GTF2H4: variants seen among roughly 807,000 people sequenced by gnomAD.
GTF2H4 encodes BTF2 p52.
GTF2H4 carries 49 observed loss-of-function variants against 62.2 expected under a neutral mutation model. That is an observed-to-expected ratio of 0.79 (90% CI 0.63 to 1.00). The LOEUF is 1.00. Among genes scored for constraint, GTF2H4 ranks in the 50% least tolerant of loss-of-function variants. The probability of loss-of-function intolerance (pLI) is 0.00; values close to 1 mark genes in which losing one functional copy is unlikely to be tolerated. For missense variants in GTF2H4, 479 were observed against 587.8 expected (o/e 0.81, Z 1.91); for synonymous variants, 189 against 233.8 (o/e 0.81, Z 1.75).
In GTF2H4 at chr6:30,913,945, G is replaced by C; in HGVS notation, c.1351G>C (p.Val451Leu). Residue 451 changes from valine (V) to leucine (L), a missense_variant, in exon 14 of 14, where the codon GTC becomes CTC. By Grantham distance (32) the Val-to-Leu change is conservative. Coordinates refer to ENST00000259895, the MANE Select transcript of GTF2H4 (RefSeq NM_001517.5). The surrounding 1 kb of genome is among the most constrained non-coding windows in gnomAD (Gnocchi z 4.2). ...GGTGACCCCGGCCGGGCACAGCGAC[G>C]TCAAGCGCTTTTGGAAGCGGCAGAA... is the stretch of plus-strand genomic sequence containing the variant. ...MVVTPAGHSD[V>L]KRFWKRQKHS... 6.2e-7 allele frequency: 1 copy of C among 1,605,266 alleles called. No homozygotes were observed. Among genetic ancestry groups the C allele is most frequent in the Non-Finnish European group, 8.5e-7 (1 of 1,176,176 alleles).
In GTF2H4 at chr6:30,913,288, G is replaced by A. The variant is rs775827654; in HGVS notation, c.1138-21G>A. 55 of 1,613,740 alleles carry A rather than the reference G, an allele frequency of 3.4e-5. No individual in the cohort carries two copies. Among genetic ancestry groups the A allele is most frequent in the East Asian group, 4.5e-5 (2 of 44,896 alleles). On this transcript the variant is annotated intron_variant, in intron 12 of 13. Coordinates refer to ENST00000259895, the MANE Select transcript of GTF2H4 (RefSeq NM_001517.5). The surrounding 1 kb of genome is among the most constrained non-coding windows in gnomAD (Gnocchi z 4.2). ...TGGGGCAGTATTCTGAGTCCCTACA[G>A]TCAACCCTTGCTCCTTGCAGACACC...
rs1793754325 is a variant in GTF2H4 at position 30,911,349 on chromosome 6, C to T, written c.672+80C>T. On this transcript the variant is annotated intron_variant, in intron 7 of 13. Coordinates refer to ENST00000259895, the MANE Select transcript of GTF2H4 (RefSeq NM_001517.5). This position sits in a 1 kb window ranked among gnomAD's most constrained non-coding sequence, Gnocchi z 4.3. ...AGAGACTCCTGCCTACAGACTGTTC[C>T]CTGATTTTCTCTTCTCTGTCCCTTT... 1.3e-6 allele frequency: 2 copies of T among 1,527,852 alleles called. No individual in the cohort carries two copies. Among genetic ancestry groups the T allele is most frequent in the Non-Finnish European group, 1.8e-6 (2 of 1,103,456 alleles). The allele number at this position is 1,527,852 out of a possible 1,614,324, so 94.6% of individuals were successfully genotyped here.
At position 30,912,492 on chromosome 6, in the gene GTF2H4, C is replaced by T; in HGVS notation, c.1089+34C>T. ...ACTTGGGAGAGGTGGAGCAGGAAGA[C>T]AGGCTGCACTTGGGCTGCGGGGGAC... On this transcript the variant is annotated intron_variant, in intron 11 of 13. Coordinates refer to ENST00000259895, the MANE Select transcript of GTF2H4 (RefSeq NM_001517.5). The surrounding 1 kb of genome is among the most constrained non-coding windows in gnomAD (Gnocchi z 4.8). 6.2e-7 allele frequency: 1 copy of T among 1,610,164 alleles called. No homozygotes were observed. The highest frequency in any genetic ancestry group is 8.5e-7 in the Non-Finnish European group (1 of 1,179,528).
At position 30,911,717 on chromosome 6, in the gene GTF2H4, T is replaced by C. The variant is rs763949954; in HGVS notation, c.775T>C (p.Leu259=). The C allele has an allele frequency of 3.1e-6, 5 of 1,613,020 alleles. No homozygotes were observed. Among genetic ancestry groups the C allele is most frequent in the South Asian group, 1.1e-5 (1 of 91,086 alleles). ...TGTGGAAGGTATGAGTGATTCTCTG[T>C]TGAACTTCCTGCAACATCTGCGTGA... The part of the protein sequence containing the change: ...YSVEGMSDSL[L]NFLQHLREFG... The change falls in exon 9 of 14, where the codon TTG becomes CTG. Residue 259 remains leucine, a synonymous_variant. Transcript: ENST00000259895. This position sits in a 1 kb window ranked among gnomAD's most constrained non-coding sequence, Gnocchi z 4.3.
chr6:30,908,259 C>G lies in GTF2H4; in HGVS notation c.-148C>G, dbSNP rs1488380965. ...TGAATTCTCCATTCTGGGCTCTTGCCTGTGAAATCTTTCTTTGCTTTCCCC... is the reference window on the plus strand; with the variant it reads ...TGAATTCTCCATTCTGGGCTCTTGCGTGTGAAATCTTTCTTTGCTTTCCCC... On this transcript the variant is annotated 5_prime_UTR_variant, in exon 1 of 14. Transcript: ENST00000259895. 1.3e-5 allele frequency: 2 copies of G among 153,558 alleles called. No individual in the cohort carries two copies. The highest frequency in any genetic ancestry group is 2.9e-5 in the Non-Finnish European group (2 of 68,962). The allele number at this position is 153,558 out of a possible 1,614,324, so 9.5% of individuals were successfully genotyped here.
rs377221955 is a variant in GTF2H4 at position 30,910,808 on chromosome 6, C to T, written c.472-45C>T. ...TGTCTCTGCTTGTGCTTCTACTTCC[C>T]ATGGCCCTTGGGGCATGGTCTCCCT... is the stretch of plus-strand genomic sequence containing the variant. On this transcript the variant is annotated intron_variant, in intron 5 of 13. Coordinates refer to ENST00000259895, the MANE Select transcript of GTF2H4 (RefSeq NM_001517.5). This position sits in a 1 kb window ranked among gnomAD's most constrained non-coding sequence, Gnocchi z 4.7. 384 of 1,603,354 alleles carry T rather than the reference C, an allele frequency of 2.4e-4. No individual in the cohort carries two copies. Among genetic ancestry groups the T allele is most frequent in the Non-Finnish European group, 3.2e-4 (376 of 1,171,902 alleles).
In GTF2H4 at chr6:30,912,372, C is replaced by G. The variant is rs1374894547; in HGVS notation, c.1003C>G (p.Leu335Val). 6.2e-7 allele frequency: 1 copy of G among 1,612,986 alleles called. No homozygotes were observed. The highest frequency in any genetic ancestry group is 1.3e-5 in the African/African-American group (1 of 75,032). ...CCTCATTGCCCTCTTCTCTGAGATG[C>G]TCTATCGGTTCCCCAACATGGTGGT... ...IALIALFSEM[L>V]YRFPNMVVAQ... The change falls in exon 11 of 14, where the codon CTC becomes GTC. Residue 335 changes from leucine (L) to valine (V), a missense_variant. Coordinates refer to ENST00000259895, the MANE Select transcript of GTF2H4 (RefSeq NM_001517.5). The surrounding 1 kb of genome is among the most constrained non-coding windows in gnomAD (Gnocchi z 4.8).
Position 30,914,062 on chromosome 6 carries a change from A to C in GTF2H4, c.*79A>C. 7.6e-7 allele frequency: 1 copy of C among 1,314,386 alleles called. No individual in the cohort carries two copies. Among genetic ancestry groups the C allele is most frequent in the Non-Finnish European group, 1.0e-6 (1 of 971,380 alleles). The allele number at this position is 1,314,386 out of a possible 1,614,324, so 81.4% of individuals were successfully genotyped here. A position where few individuals can be genotyped will look rare whatever the true frequency, so the allele number is the denominator to read the frequency against. Reference sequence around the variant, plus strand: ...ATCAGAACTCAGGTGTTTTTTATTTACGCGTCAGGGCTTTTCTTGTTTAAT... The same window carrying C: ...ATCAGAACTCAGGTGTTTTTTATTTCCGCGTCAGGGCTTTTCTTGTTTAAT... On this transcript the variant is annotated 3_prime_UTR_variant, in exon 14 of 14. Transcript: ENST00000259895.
At position 30,911,247 on chromosome 6, in the gene GTF2H4, T is replaced by C. The variant is rs371348606; in HGVS notation, c.650T>C (p.Leu217Ser). ...CCGGCTCAGCTCTGGTACTTTATGT[T>C]GCAGTATTTGCAGACAGCCCAGGTG... ...DTPAQLWYFMLQYLQTAQSRG... is the reference protein window; with the variant it reads ...DTPAQLWYFMSQYLQTAQSRG... The change falls in exon 7 of 14, where the codon TTG becomes TCG. Residue 217 changes from leucine to serine, a missense_variant. Transcript: ENST00000259895. This position sits in a 1 kb window ranked among gnomAD's most constrained non-coding sequence, Gnocchi z 4.3. 2 of 1,613,320 alleles carry C rather than the reference T, an allele frequency of 1.2e-6. No individual in the cohort carries two copies. The highest frequency in any genetic ancestry group is 1.7e-6 in the Non-Finnish European group (2 of 1,179,902).
chr6:30,908,915 G>T, intron 1 of GTF2H4, 119 bp from the exon 2 acceptor site: 1 of 1,122,444 alleles, frequency 8.9e-7, no homozygotes, highest in Non-Finnish European at 1.3e-6. Context: ...CATGGGAAAG[G>T]AGACCACAGA....
Position 30,909,595 on chromosome 6 carries a change from C to A in GTF2H4, c.242+56C>A. On this transcript the variant is annotated intron_variant, in intron 3 of 13. Coordinates refer to ENST00000259895, the MANE Select transcript of GTF2H4 (RefSeq NM_001517.5). This position sits in a 1 kb window ranked among gnomAD's most constrained non-coding sequence, Gnocchi z 4.3. ...CAGCTACATTTCCCAAACTGCTGTT[C>A]CTTGGAGCACTTCCAGGAAGTGTTA... 1 of 1,055,182 alleles carries A rather than the reference C, an allele frequency of 9.5e-7. No homozygotes were observed. 65.4% of individuals were successfully genotyped at this position (1,055,182 alleles called of 1,614,324 possible).
chr6:30,910,768 A>G lies in GTF2H4; in HGVS notation c.471+7A>G, dbSNP rs1562437290. The G allele has an allele frequency of 2.5e-6, 4 of 1,610,512 alleles. No individual in the cohort carries two copies. Among genetic ancestry groups the G allele is most frequent in the Non-Finnish European group, 3.4e-6 (4 of 1,177,882 alleles). ...CGCCGAGGAGCGATGGGAGGTAAGC[A>G]CTTGGGAGTGTGTGTGTCTCTGCTT... On this transcript the variant is annotated splice_region_variant and intron_variant, in intron 5 of 13. Coordinates refer to ENST00000259895, the MANE Select transcript of GTF2H4 (RefSeq NM_001517.5). This position sits in a 1 kb window ranked among gnomAD's most constrained non-coding sequence, Gnocchi z 4.7.
rs750144120 is a variant in GTF2H4, at chr6:30,911,737, G to C, written c.795G>C (p.Leu265=). 2.5e-6 allele frequency: 4 copies of C among 1,613,014 alleles called. No individual in the cohort carries two copies. Among genetic ancestry groups the C allele is most frequent in the Admixed American group, 3.3e-5 (2 of 60,028 alleles). The change falls in exon 9 of 14, where the codon CTG becomes CTC. Residue 265 remains leucine, a synonymous_variant. Coordinates refer to ENST00000259895, the MANE Select transcript of GTF2H4 (RefSeq NM_001517.5). This position sits in a 1 kb window ranked among gnomAD's most constrained non-coding sequence, Gnocchi z 4.3. ...CTCTGTTGAACTTCCTGCAACATCTGCGTGAGTTTGGGCTTGTTTTCCAGA... is the reference window on the plus strand; with the variant it reads ...CTCTGTTGAACTTCCTGCAACATCTCCGTGAGTTTGGGCTTGTTTTCCAGA... ...SDSLLNFLQH[L]REFGLVFQRK... is the part of the protein sequence containing the mutation.
chr6:30,908,277 C>A lies in GTF2H4; in HGVS notation c.-130C>A. 6.5e-6 allele frequency: 1 copy of A among 153,398 alleles called. No homozygotes were observed. Among genetic ancestry groups the A allele is most frequent in the Non-Finnish European group, 1.5e-5 (1 of 68,710 alleles). 9.5% of individuals were successfully genotyped at this position (153,398 alleles called of 1,614,324 possible). ...CTCTTGCCTGTGAAATCTTTCTTTG[C>A]TTTCCCCATCTTTTCCTCGCATTTT... On this transcript the variant is annotated 5_prime_UTR_variant, in exon 1 of 14. Coordinates refer to ENST00000259895, the MANE Select transcript of GTF2H4 (RefSeq NM_001517.5).
rs1374391645 is a variant in GTF2H4, at chr6:30,912,703, A to G, written c.1089+245A>G. Among the ~76,000 whole-genome samples the G allele has an allele frequency of 6.6e-6, 1 of 152,138 alleles. No individual in the cohort carries two copies. Among genetic ancestry groups the G allele is most frequent in the African/African-American group, 2.4e-5 (1 of 41,416 alleles). ...GGCACTGCCACATCCTAACTGCGTA[A>G]ACTAGACATAGTTGTTTTGCCTCTG... On this transcript the variant is annotated intron_variant, in intron 11 of 13. Coordinates refer to ENST00000259895, the MANE Select transcript of GTF2H4 (RefSeq NM_001517.5). The surrounding 1 kb of genome is among the most constrained non-coding windows in gnomAD (Gnocchi z 4.8).
chr6:30,912,111 T>A lies in GTF2H4; in HGVS notation c.923T>A (p.Val308Asp). 1 of 1,612,890 alleles carries A rather than the reference T, an allele frequency of 6.2e-7. No homozygotes were observed. Among genetic ancestry groups the A allele is most frequent in the Non-Finnish European group, 8.5e-7 (1 of 1,179,966 alleles). Residue 308 changes from valine (V) to aspartate (D), a missense_variant, in exon 10 of 14, where the codon GTC becomes GAC. Val to Asp is a radical substitution (Grantham distance 152, BLOSUM62 -3). Transcript: ENST00000259895. This position sits in a 1 kb window ranked among gnomAD's most constrained non-coding sequence, Gnocchi z 4.8. ...ACTGTGCATCAGCCAGGTTTCATTG[T>A]CGTGGAAACCAATTACCGACTGTAT... ...GGTVHQPGFI[V>D]VETNYRLYAY...
rs995085664 is a variant in GTF2H4, at chr6:30,909,310, G to C, written c.138-125G>C. The C allele has an allele frequency of 1.6e-6, 2 of 1,243,008 alleles. No individual in the cohort carries two copies. Among genetic ancestry groups the C allele is most frequent in the African/African-American group, 3.0e-5 (2 of 67,072 alleles). 77.0% of individuals were successfully genotyped at this position (1,243,008 alleles called of 1,614,324 possible). ...TTGGAAATTGCTCTAAAGTGTGGAG[G>C]CCAAAACAGCAGGACTGGTAAAGTT... On this transcript the variant is annotated intron_variant, in intron 2 of 13. Coordinates refer to ENST00000259895, the MANE Select transcript of GTF2H4 (RefSeq NM_001517.5). This position sits in a 1 kb window ranked among gnomAD's most constrained non-coding sequence, Gnocchi z 4.3.
chr6:30,908,989 T>C, intron 1 of GTF2H4, 45 bp from the exon 2 acceptor site: 1 of 1,611,240 alleles, frequency 6.2e-7, no homozygotes, highest in Non-Finnish European at 8.5e-7. Flanking sequence ...GGGGTGACAC[T>C]GGCATGGATG....
rs1434594648 is a variant in GTF2H4, at chr6:30,910,448, G to A, written c.375-217G>A. On this transcript the variant is annotated intron_variant, in intron 4 of 13. Coordinates refer to ENST00000259895, the MANE Select transcript of GTF2H4 (RefSeq NM_001517.5). This position sits in a 1 kb window ranked among gnomAD's most constrained non-coding sequence, Gnocchi z 4.7. Reference sequence around the variant, plus strand: ...GGGTTCAAGTGATTCTCCTGCCTCAGCCTCCTGAGTAGCTGGGATTACAGG... The same window carrying A: ...GGGTTCAAGTGATTCTCCTGCCTCAACCTCCTGAGTAGCTGGGATTACAGG... 3 of 606,204 alleles carry A rather than the reference G, an allele frequency of 4.9e-6. No homozygotes were observed. The allele number at this position is 606,204 out of a possible 1,614,324, so 37.6% of individuals were successfully genotyped here.
Sources: allele counts gnomAD v4.1 joint callset (sites outside exome capture counted in the v4.1 genomes callset), GRCh38; gene constraint gnomAD v4.1.1; non-coding constraint Gnocchi (gnomAD v3.1); transcripts MANE v1.5; gene names NCBI Gene and HGNC (gene_info 2026-07-23, HGNC 2026-07-21).